The following CNTN5 variants were observed in gnomAD, a reference collection of about 807,000 sequenced individuals.
CNTN5 encodes the protein contactin-5.
In CNTN5, 77 loss-of-function variants were observed where a neutral mutation model predicts 129.1. The observed-to-expected ratio is 0.60, with a 90% CI of 0.50 to 0.72. The LOEUF (loss-of-function observed/expected upper bound fraction) is 0.72, where lower values mean the gene tolerates loss of function less well. Ranked by LOEUF, CNTN5 falls within the 30% of genes least tolerant of loss-of-function variation. The pLI is 0.00. For synonymous variants in CNTN5, 509 were observed against 465.6 expected (o/e 1.09, Z -1.20); for missense variants, 1,478 against 1,328.8 (o/e 1.11, Z -1.75).
At chr11:99,041,056 T>G (rs1050278642) in intron 1 of CNTN5, among the ~76,000 whole-genome samples, 9 of 152,156 alleles carry the variant, frequency 5.9e-5, no homozygotes, top group African/African-American at 2.2e-4. Flanking sequence ...CCTCAAACCT[T>G]ATTTCTCATT....
At chr11:100,154,694 G>A (rs1436592120) in intron 13 of CNTN5, among the ~76,000 whole-genome samples, 3 of 152,192 alleles carry the variant, frequency 2.0e-5, no homozygotes, top group African/African-American at 7.2e-5. Context: ...GTTGTTTCCT[G>A]ACTTTTTAAT....
intron 15 of CNTN5, among the ~76,000 whole-genome samples, chr11:100,223,919 C>A (rs796746166): frequency 2.6e-5 from 4 of 152,194 alleles, no homozygotes; most frequent in African/African-American, 9.6e-5. Flanking sequence ...AAGGTTTGTA[C>A]CAGCCATTTT....
intron 6 of CNTN5, among the ~76,000 whole-genome samples, chr11:99,894,588 A>G (rs536435556): frequency 4.5e-4 from 68 of 151,796 alleles, no homozygotes; most frequent in African/African-American, 1.4e-3. Context: ...AAACAAACAA[A>G]CAAAAAAACC....
intron 2 of CNTN5, among the ~76,000 whole-genome samples, chr11:99,495,011 A>T (rs950518607): frequency 6.6e-6 from 1 of 152,224 alleles, no homozygotes; most frequent in African/African-American, 2.4e-5. Flanking sequence ...AAAACACTAA[A>T]AAGTGTTGAT....
chr11:99,612,170 A>C (rs879083599), intron 3 of CNTN5, among the ~76,000 whole-genome samples: 2 of 152,174 alleles, frequency 1.3e-5, no homozygotes, highest in Non-Finnish European at 2.9e-5. Flanking sequence ...GGAAACTGAG[A>C]CTCATAATTG....
At chr11:100,211,316 A>G (rs571893038) in intron 15 of CNTN5, among the ~76,000 whole-genome samples, 1 of 152,286 alleles carries the variant, frequency 6.6e-6, no homozygotes, top group African/African-American at 2.4e-5. Context: ...ATAGCAGGAC[A>G]ACATCGTAGC....
intron 2 of CNTN5, among the ~76,000 whole-genome samples, chr11:99,458,544 G>A (rs1159878571): frequency 6.6e-6 from 1 of 151,886 alleles, no homozygotes; most frequent in East Asian, 1.9e-4. Context: ...TATCTATTAT[G>A]GATTTGTTAT....
At chr11:99,150,376 A>G (rs1398099828) in intron 1 of CNTN5, among the ~76,000 whole-genome samples, 1 of 152,014 alleles carries the variant, frequency 6.6e-6, no homozygotes, top group Non-Finnish European at 1.5e-5. Context: ...GAACATGCAA[A>G]TCTTTGTTGA....
At chr11:99,645,920 A>AT (rs35687320) in intron 3 of CNTN5, among the ~76,000 whole-genome samples, 90,874 of 151,476 alleles carry the variant, frequency 0.6, 28,060 homozygotes, top group Admixed American at 0.69. Context: ...AGTTTTGCAC[A>AT]TGTATCCCAT....
intron 2 of CNTN5, among the ~76,000 whole-genome samples, chr11:99,461,847 G>T (rs767499880): frequency 2.0e-5 from 3 of 152,024 alleles, no homozygotes; most frequent in Non-Finnish European, 4.4e-5. Flanking sequence ...ATTTAAAATA[G>T]AATTGTGTTA....
chr11:99,771,712 G>A (rs1944952352), intron 3 of CNTN5, among the ~76,000 whole-genome samples: 1 of 151,786 alleles, frequency 6.6e-6, no homozygotes, highest in South Asian at 2.1e-4. Context: ...CACATTCTGG[G>A]GATTTAATAT....
intron 3 of CNTN5, among the ~76,000 whole-genome samples, chr11:99,692,545 T>C (rs1954082209): frequency 6.6e-6 from 1 of 152,130 alleles, no homozygotes; most frequent in Non-Finnish European, 1.5e-5. Context: ...TCTTTAATAA[T>C]ATTGAATATT....
At chr11:99,561,593 T>C (rs994272318) in intron 3 of CNTN5, among the ~76,000 whole-genome samples, 1 of 152,108 alleles carries the variant, frequency 6.6e-6, no homozygotes, top group African/African-American at 2.4e-5. Context: ...AGAAAACTGG[T>C]AAACATTTCC....
At chr11:100,310,417 C>A (rs1340600947) in intron 21 of CNTN5, among the ~76,000 whole-genome samples, 1 of 151,850 alleles carries the variant, frequency 6.6e-6, no homozygotes, top group African/African-American at 2.4e-5. Flanking sequence ...TGAGGTCCTG[C>A]AAAGATCACA....
intron 7 of CNTN5, among the ~76,000 whole-genome samples, chr11:99,937,690 A>T (rs1565697240): frequency 6.6e-6 from 1 of 152,204 alleles, no homozygotes; most frequent in Non-Finnish European, 1.5e-5. Context: ...TTCACTTAGG[A>T]CATGAACTCT....
intron 13 of CNTN5, among the ~76,000 whole-genome samples, chr11:100,138,669 G>T (rs1027664985): frequency 3.3e-5 from 5 of 152,026 alleles, no homozygotes; most frequent in Admixed American, 2.0e-4. Flanking sequence ...AATGTGTGAG[G>T]TCTTACGGTC....
intron 4 of CNTN5, among the ~76,000 whole-genome samples, chr11:99,825,010 G>C (rs999130772): frequency 6.6e-6 from 1 of 151,932 alleles, no homozygotes; most frequent in Non-Finnish European, 1.5e-5. Flanking sequence ...TTGGTATATA[G>C]AGCCCTATCA....
Position 99,045,240 on chromosome 11 carries a change from T to C in CNTN5, c.-210+23970T>C, listed in dbSNP as rs992345070. On this transcript the variant is annotated intron_variant, in intron 1 of 24. Transcript: ENST00000524871. ...TATTATGTGATTTTAAATCTTTTGA[T>C]TTCAATTACAAGTAAAGCATTTATT... Among the ~76,000 whole-genome samples, 5 of 152,320 alleles carry C rather than the reference T, an allele frequency of 3.3e-5. No homozygotes were observed. In the East Asian group the frequency reaches 9.6e-4, roughly 29 times the overall value.
At chr11:100,003,772 A>C (rs903723182) in intron 9 of CNTN5, 1 of 151,936 alleles carries the variant, frequency 6.6e-6, no homozygotes, top group Non-Finnish European at 1.5e-5. Flanking sequence ...CAACCTTTCT[A>C]CTCCTTCTTT....
Sources: allele counts gnomAD v4.1 joint callset (sites outside exome capture counted in the v4.1 genomes callset), GRCh38; gene constraint gnomAD v4.1.1; transcripts MANE v1.5; gene names NCBI Gene and HGNC (gene_info 2026-07-23, HGNC 2026-07-21).